CD36: variants seen among roughly 807,000 people sequenced by gnomAD.
The protein encoded by CD36 is platelet glycoprotein 4.
CD36 carries 119 observed loss-of-function variants against 55.2 expected under a neutral mutation model. That is an observed-to-expected ratio of 2.15 (90% confidence interval 1.86 to 2.51). The LOEUF is 2.51. Among genes scored for constraint, CD36 ranks in the 30% most tolerant of loss-of-function variants. The pLI, the probability that CD36 is intolerant of heterozygous loss-of-function variation, is 0.00. For synonymous variants in CD36, 186 were observed against 193.6 expected, an observed-to-expected ratio of 0.96 and a Z score of 0.33; for missense variants, 819 against 555.5, an observed-to-expected ratio of 1.47 and a Z score of -4.77.
At chr7:80,673,543 T>C in intron 13 of CD36, 134 bp downstream of exon 13, 1 of 681,680 alleles carries the variant, frequency 1.5e-6, no homozygotes, top group Non-Finnish European at 2.7e-6. Flanking sequence ...TATACATTTA[T>C]TTAACCTATT....
rs530771674 is a variant in CD36 at position 80,609,170 on chromosome 7, G to A, written c.-184+6791G>A. Reference sequence around the variant, plus strand: ...TACAATATAAAGTTTGGTATAGTATGTGTTACATTAGGGCTTCACGTTTGT... The same window carrying A: ...TACAATATAAAGTTTGGTATAGTATATGTTACATTAGGGCTTCACGTTTGT... On this transcript the variant is annotated intron_variant, in intron 1 of 13. Transcript: ENST00000309881. Among the ~76,000 whole-genome samples, 6 of 152,290 alleles carry A rather than the reference G, an allele frequency of 3.9e-5. No homozygotes were observed. The East Asian group carries it at 1.2e-3, about 29-fold the overall frequency.
intron 8 of CD36, among the ~76,000 whole-genome samples, chr7:80,666,752 T>C (rs3211920): frequency 6.6e-6 from 1 of 152,220 alleles, no homozygotes; most frequent in Admixed American, 6.5e-5. Context: ...ACTGCCATCC[T>C]GGCAACAGAA....
At chr7:80,636,107 CAA>C (rs35574179), upstream of CD36, among the ~76,000 whole-genome samples, 6 of 152,064 alleles carry the variant, frequency 3.9e-5, no homozygotes, top group African/African-American at 9.7e-5. Context: ...AGGGCAAAAA[CAA>C]AAGTCAATTG....
intron 1 of CD36, among the ~76,000 whole-genome samples, chr7:80,615,413 A>G (rs1793095364): frequency 6.6e-6 from 1 of 152,166 alleles, no homozygotes; most frequent in Non-Finnish European, 1.5e-5. Flanking sequence ...CCTGAAAACC[A>G]TTTTTGTACA....
At chr7:80,658,362 A>G (rs767399043) in intron 4 of CD36, among the ~76,000 whole-genome samples, 53 of 152,300 alleles carry the variant, frequency 3.5e-4, no homozygotes, top group Middle Eastern at 3.4e-3. Context: ...GAGTATCAGC[A>G]TAATTGTTTA....
intron 1 of CD36, among the ~76,000 whole-genome samples, chr7:80,610,180 G>A (rs770347904): frequency 6.6e-6 from 1 of 152,134 alleles, no homozygotes; most frequent in South Asian, 2.1e-4. Context: ...GATAAAAAAT[G>A]TTTAACTTGG....
intron 1 of CD36, among the ~76,000 whole-genome samples, chr7:80,608,693 C>T (rs907947672): frequency 6.6e-6 from 1 of 151,912 alleles, no homozygotes; most frequent in African/African-American, 2.4e-5. Context: ...AATATTAAAC[C>T]CTGACAGGAC....
intron 1 of CD36, among the ~76,000 whole-genome samples, chr7:80,608,449 AT>A (rs1313281800): frequency 2.0e-5 from 3 of 152,188 alleles, no homozygotes; most frequent in African/African-American, 7.2e-5. Context: ...TAACACATGG[AT>A]AATAAACATG....
chr7:80,649,247 A>G (rs3211821), intron 3 of CD36, among the ~76,000 whole-genome samples: 71,654 of 151,856 alleles, frequency 0.47, 17,827 homozygotes, highest in Non-Finnish European at 0.55. Flanking sequence ...CAATAGGGAA[A>G]GAAGTCATTC....
chr7:80,632,977 T>G (rs1334088261), intron 1 of CD36, among the ~76,000 whole-genome samples: 1 of 152,026 alleles, frequency 6.6e-6, no homozygotes, highest in African/African-American at 2.4e-5. Context: ...GCTCATCAAC[T>G]AAATGCTTGT....
intron 1 of CD36, among the ~76,000 whole-genome samples, chr7:80,625,631 C>T (rs952941471): frequency 6.6e-6 from 1 of 152,114 alleles, no homozygotes; most frequent in Non-Finnish European, 1.5e-5. Context: ...AATATTTCAA[C>T]AGAAGACCTC....
intron 10 of CD36, among the ~76,000 whole-genome samples, chr7:80,671,471 C>A (rs1373063384): frequency 6.6e-6 from 1 of 152,040 alleles, no homozygotes; most frequent in Non-Finnish European, 1.5e-5. Context: ...TTCCTTGTGG[C>A]TGCTTTTAGA....
At chr7:80,641,457 C>G (rs1029427673) in intron 1 of CD36, among the ~76,000 whole-genome samples, 1 of 151,930 alleles carries the variant, frequency 6.6e-6, no homozygotes, top group African/African-American at 2.4e-5. Context: ...TGGACAGATG[C>G]TGTATTTTTT....
At chr7:80,644,938 T>C (rs1795046366) in intron 1 of CD36, among the ~76,000 whole-genome samples, 1 of 152,078 alleles carries the variant, frequency 6.6e-6, no homozygotes, top group Admixed American at 6.6e-5. Flanking sequence ...TTCAAATAAA[T>C]GTGTTTTCAA....
rs540492335 is a variant in CD36, at chr7:80,627,325, C to T, written c.-183-18763C>T. 7.2e-5 allele frequency among the ~76,000 whole-genome samples: 11 copies of T among 152,096 alleles called. No homozygotes were observed. The South Asian group carries it at 8.3e-4, about 11-fold the overall frequency. ...TTGACGATATGTCTCATCTCACAGA[C>T]GGAAACAAGTACAAAGAGAGAACTT... On this transcript the variant is annotated intron_variant, in intron 1 of 13. Coordinates refer to the CD36 transcript ENST00000309881.
chr7:80,672,123 T>G, intron 11 of CD36, 83 bp downstream of exon 11: 1 of 1,124,588 alleles, frequency 8.9e-7, no homozygotes. Context: ...CGATGATTAT[T>G]TATTCAATAA....
intron 7 of CD36, among the ~76,000 whole-genome samples, chr7:80,665,526 G>GA (rs1032599331): frequency 2.7e-5 from 4 of 148,508 alleles, no homozygotes; most frequent in African/African-American, 4.9e-5. Context: ...TCAGTAGAGG[G>GA]AAAAAAACAC....
intron 3 of CD36, among the ~76,000 whole-genome samples, chr7:80,654,338 G>A (rs772960731): frequency 6.6e-6 from 1 of 151,992 alleles, no homozygotes; most frequent in South Asian, 2.1e-4. Flanking sequence ...CATTAAAATC[G>A]CAAAAACCGT....
Position 80,646,648 on chromosome 7 carries a change from A to G in CD36, c.-89-4A>G, listed in dbSNP as rs1795188336. ...TCTGTTTTATGATCTCTTTCTAATG[A>G]TAGAACCAGAGCTTGTAGAAACCAC... On this transcript the variant is annotated splice_region_variant and splice_polypyrimidine_tract_variant and intron_variant, in intron 2 of 14. Coordinates refer to ENST00000447544, the MANE Select transcript of CD36 (RefSeq NM_001001548.3). 48 of 1,447,524 alleles carry G rather than the reference A, an allele frequency of 3.3e-5. No individual in the cohort carries two copies. Among genetic ancestry groups the G allele is most frequent in the Non-Finnish European group, 4.7e-5 (48 of 1,029,904 alleles). 89.7% of individuals were successfully genotyped at this position (1,447,524 alleles called of 1,614,324 possible). A position where few individuals can be genotyped will look rare whatever the true frequency, so the allele number is the denominator to read the frequency against.
Sources: gnomAD v4.1 joint callset for allele counts (sites outside exome capture counted in the v4.1 genomes callset) on GRCh38, gnomAD v4.1.1 for gene constraint, MANE v1.5 for transcripts, NCBI Gene and HGNC (gene_info 2026-07-23, HGNC 2026-07-21) for gene names.